Variants in KCNMA1 observed in about 807,000 individuals in gnomAD.
KCNMA1 encodes potassium calcium-activated channel subfamily M alpha 1, also known as Calcium-activated potassium channel subunit alpha-1.
KCNMA1 carries 29 observed loss-of-function variants against 140.0 expected under a neutral mutation model. The observed-to-expected ratio is 0.21, with a 90% CI of 0.15 to 0.28. The LOEUF is 0.28. Ranked by LOEUF, KCNMA1 falls within the 10% of genes least tolerant of loss-of-function variation. The probability of loss-of-function intolerance (pLI) is 1.00; values close to 1 mark genes in which losing one functional copy is unlikely to be tolerated. For missense variants in KCNMA1, 880 were observed against 1,602.2 expected (o/e 0.55, Z 7.70); for synonymous variants, 612 against 611.9 (o/e 1.00, Z 0.00).
intron 2 of KCNMA1, among the ~76,000 whole-genome samples, chr10:77,253,564 A>T (rs1209701502): frequency 6.6e-6 from 1 of 152,228 alleles, no homozygotes; most frequent in Non-Finnish European, 1.5e-5. Context: ...CAGTGACAGG[A>T]GGAGGCCAGG....
chr10:76,914,753 G>A, intron 24 of KCNMA1, 183 bp downstream of exon 24: 1 of 565,704 alleles, frequency 1.8e-6, no homozygotes, highest in Non-Finnish European at 3.2e-6. Context: ...AAGAAAGATA[G>A]ATCAGTTTTC....
chr10:77,503,753 C>G (rs921632862), intron 1 of KCNMA1, among the ~76,000 whole-genome samples: 1 of 152,168 alleles, frequency 6.6e-6, no homozygotes, highest in African/African-American at 2.4e-5. Context: ...TAAACAATTT[C>G]TGAAGAAACT....
chr10:77,576,475 G>A (rs901914556), intron 1 of KCNMA1, among the ~76,000 whole-genome samples: 10 of 152,096 alleles, frequency 6.6e-5, no homozygotes, highest in Non-Finnish European at 1.0e-4. Context: ...GGAAGCAGGC[G>A]GACTCTCGGC....
At position 77,325,147 on chromosome 10, in the gene KCNMA1, G is replaced by A. The variant is rs373152338; in HGVS notation, c.541-73891C>T. Among the ~76,000 whole-genome samples, 20 of 152,202 alleles carry A rather than the reference G, an allele frequency of 1.3e-4. No homozygotes were observed. In the East Asian group the frequency reaches 3.7e-3, roughly 28 times the overall value. On this transcript the variant is annotated intron_variant, in intron 2 of 27. Transcript: ENST00000286628. ...GAGCAAAGACAATAGGAAAACAGAAGGCGACTCAGGATGCAAATGCCTCAT... is the reference window on the plus strand; with the variant it reads ...GAGCAAAGACAATAGGAAAACAGAAAGCGACTCAGGATGCAAATGCCTCAT...
At chr10:77,260,382 G>A (rs2061702298) in intron 2 of KCNMA1, among the ~76,000 whole-genome samples, 2 of 152,122 alleles carry the variant, frequency 1.3e-5, no homozygotes, top group Non-Finnish European at 2.9e-5. Context: ...AGAACAGAAG[G>A]GCAATGAAGG....
At chr10:76,931,689 A>G (rs1026721162) in intron 23 of KCNMA1, among the ~76,000 whole-genome samples, 1 of 152,014 alleles carries the variant, frequency 6.6e-6, no homozygotes, top group African/African-American at 2.4e-5. Flanking sequence ...AGCTGTCCCA[A>G]TCTCTGCTTC....
intron 1 of KCNMA1, among the ~76,000 whole-genome samples, chr10:77,504,853 T>C (rs899791401): frequency 2.6e-5 from 4 of 152,178 alleles, no homozygotes; most frequent in Non-Finnish European, 4.4e-5. Context: ...GAATACAAAA[T>C]AATATTCATT....
chr10:77,562,783 G>T (rs35233838), intron 1 of KCNMA1, among the ~76,000 whole-genome samples: 23,768 of 152,200 alleles, frequency 0.16, 2,172 homozygotes, highest in Middle Eastern at 0.24. Flanking sequence ...CCAATTAGTT[G>T]CTTAGATTCA....
intron 2 of KCNMA1, chr10:77,304,482 CG>C (rs1161615406): frequency 1.3e-5 from 2 of 152,108 alleles, no homozygotes; most frequent in African/African-American, 2.4e-5. Context: ...GGCCATGGAA[CG>C]GGGAATGATC....
intron 1 of KCNMA1, among the ~76,000 whole-genome samples, chr10:77,468,532 C>T (rs2154527394): frequency 6.6e-6 from 1 of 152,230 alleles, no homozygotes; most frequent in Non-Finnish European, 1.5e-5. Context: ...AGGACACAGA[C>T]ATATACAGGA....
At chr10:77,038,753 C>G (rs1318147406) in intron 15 of KCNMA1, among the ~76,000 whole-genome samples, 1 of 152,168 alleles carries the variant, frequency 6.6e-6, no homozygotes, top group African/African-American at 2.4e-5. Flanking sequence ...GTTGCCCAGG[C>G]TAGTCTTGAA....
At chr10:76,889,695 G>A (rs915978057) in intron 26 of KCNMA1, 126 bp from the exon 27 acceptor site, 9 of 785,572 alleles carry the variant, frequency 1.1e-5, no homozygotes, top group Admixed American at 3.5e-5. Context: ...GGGTCCATGT[G>A]CCAAGGGACG....
At chr10:77,419,375 T>A (rs1182960506) in intron 1 of KCNMA1, among the ~76,000 whole-genome samples, 1 of 152,144 alleles carries the variant, frequency 6.6e-6, no homozygotes, top group African/African-American at 2.4e-5. Flanking sequence ...GAGACCTTTT[T>A]TGGAGGAGCA....
At chr10:77,247,553 G>A (rs756343740) in intron 3 of KCNMA1, among the ~76,000 whole-genome samples, 2 of 152,140 alleles carry the variant, frequency 1.3e-5, no homozygotes, top group Non-Finnish European at 2.9e-5. Context: ...TATGTGGGAG[G>A]ACAGGGTTGG....
At chr10:77,009,435 G>C (rs545957776) in intron 18 of KCNMA1, among the ~76,000 whole-genome samples, 1 of 152,126 alleles carries the variant, frequency 6.6e-6, no homozygotes, top group Admixed American at 6.5e-5. Flanking sequence ...TTCCACTATG[G>C]CGTCCTATGA....
chr10:77,103,642 G>A (rs1358205236), intron 9 of KCNMA1, among the ~76,000 whole-genome samples: 2 of 152,172 alleles, frequency 1.3e-5, no homozygotes, highest in Non-Finnish European at 2.9e-5. Context: ...CCACAAAAAA[G>A]GCACAATTCT....
At chr10:76,941,039 AAGAAAGAAAGAAAG>A (rs1426997957) in intron 23 of KCNMA1, among the ~76,000 whole-genome samples, 1 of 74,744 alleles carries the variant, frequency 1.3e-5, no homozygotes, top group Non-Finnish European at 2.7e-5. Flanking sequence ...GAAAGAAAGA[AAGAAAGAAAGAAAG>A]AGAAAGAAAG....
chr10:77,320,486 C>T (rs559850828), intron 2 of KCNMA1, among the ~76,000 whole-genome samples: 2 of 152,126 alleles, frequency 1.3e-5, no homozygotes, highest in Non-Finnish European at 2.9e-5. Context: ...GAGGGAGCTT[C>T]TGTGGCTCTC....
At chr10:77,085,714 T>C (rs913134649) in intron 11 of KCNMA1, among the ~76,000 whole-genome samples, 48 of 152,206 alleles carry the variant, frequency 3.2e-4, no homozygotes, top group Non-Finnish European at 1.2e-4. Flanking sequence ...TTTTGGATTA[T>C]TCATCTTGGC....
Sources: allele counts gnomAD v4.1 joint callset (sites outside exome capture counted in the v4.1 genomes callset), GRCh38; gene constraint gnomAD v4.1.1; transcripts MANE v1.5; gene names NCBI Gene and HGNC (gene_info 2026-07-23, HGNC 2026-07-21).